The following SYNPR variants were observed in gnomAD, a reference collection of about 807,000 sequenced individuals.
SYNPR encodes synaptoporin.
A neutral mutation model predicts 32.9 loss-of-function variants in SYNPR; 23 were observed. The observed-to-expected ratio is 0.70, with a 90% CI of 0.50 to 0.99. SYNPR has a LOEUF of 0.99. Among genes scored for constraint, SYNPR ranks in the 50% least tolerant of loss-of-function variants. The pLI, the probability that SYNPR is intolerant of heterozygous loss-of-function variation, is 0.00. For missense variants in SYNPR, 318 were observed against 349.3 expected, an observed-to-expected ratio of 0.91 and a Z score of 0.71; for synonymous variants, 146 against 135.9, an observed-to-expected ratio of 1.07 and a Z score of -0.52.
chr3:63,498,879 T>A (rs1401245980), intron 3 of SYNPR, among the ~76,000 whole-genome samples: 1 of 148,478 alleles, frequency 6.7e-6, no homozygotes, highest in East Asian at 2.0e-4. Flanking sequence ...TTTGGGAGGC[T>A]GAAGCAGGAG....
intron 2 of SYNPR, among the ~76,000 whole-genome samples, chr3:63,442,766 C>T (rs1700202935): frequency 6.6e-6 from 1 of 152,180 alleles, no homozygotes; most frequent in Non-Finnish European, 1.5e-5. Flanking sequence ...GCCTGTCTTC[C>T]AGTACATCAC....
At chr3:63,226,953 T>C (rs2086133191), upstream of SYNPR, among the ~76,000 whole-genome samples, 1 of 152,200 alleles carries the variant, frequency 6.6e-6, no homozygotes, top group Non-Finnish European at 1.5e-5. Context: ...ATCCTATGCA[T>C]GTAAAAAATA....
chr3:63,464,958 T>C (rs913697353), intron 2 of SYNPR, among the ~76,000 whole-genome samples: 6 of 152,058 alleles, frequency 3.9e-5, no homozygotes, highest in Admixed American at 6.6e-5. Context: ...AGTGCTGGAG[T>C]TGATGGGATA....
At chr3:63,342,766 CTT>C (rs1374195902) in intron 2 of SYNPR, among the ~76,000 whole-genome samples, 1 of 152,048 alleles carries the variant, frequency 6.6e-6, no homozygotes, top group Non-Finnish European at 1.5e-5. Flanking sequence ...ATTAAGAGCT[CTT>C]TAATTATAAA....
At chr3:63,511,809 T>TA (rs1485936724) in intron 3 of SYNPR, among the ~76,000 whole-genome samples, 1 of 152,144 alleles carries the variant, frequency 6.6e-6, no homozygotes, top group African/African-American at 2.4e-5. Context: ...TTCTGCTGCT[T>TA]TAATTAGACC....
intron 2 of SYNPR, among the ~76,000 whole-genome samples, chr3:63,362,744 C>A (rs76575299): frequency 1.3e-5 from 2 of 152,136 alleles, no homozygotes; most frequent in Admixed American, 6.5e-5. Context: ...TGAGAAGAGG[C>A]CTTTCATGCT....
chr3:63,558,157 C>A (rs1417263299), intron 4 of SYNPR, among the ~76,000 whole-genome samples: 1 of 152,162 alleles, frequency 6.6e-6, no homozygotes, highest in Non-Finnish European at 1.5e-5. Context: ...CAGCACAAGG[C>A]CCTCACCACA....
chr3:63,285,410 T>C (rs1206694956), intron 2 of SYNPR, among the ~76,000 whole-genome samples: 2 of 152,366 alleles, frequency 1.3e-5, no homozygotes, highest in South Asian at 2.1e-4. Flanking sequence ...GAACTCATTT[T>C]CTTCCTGTGT....
At chr3:63,459,160 G>T (rs1336483582) in intron 2 of SYNPR, among the ~76,000 whole-genome samples, 1 of 151,844 alleles carries the variant, frequency 6.6e-6, no homozygotes, top group East Asian at 1.9e-4. Flanking sequence ...AACCTTCTCT[G>T]CCAGATACAC....
chr3:63,445,613 AT>A (rs778251473), intron 2 of SYNPR: 6 of 677,680 alleles, frequency 8.9e-6, no homozygotes, highest in Non-Finnish European at 1.6e-5. Flanking sequence ...TGTGCTAAGC[AT>A]TTTACATGGC....
At chr3:63,541,170 C>G (rs1409833505) in intron 3 of SYNPR, among the ~76,000 whole-genome samples, 1 of 151,108 alleles carries the variant, frequency 6.6e-6, no homozygotes, top group African/African-American at 2.4e-5. Context: ...AGAATAAAAC[C>G]AAGCAGAGGC....
At chr3:63,369,394 A>AGTATAG (rs2087768335) in intron 2 of SYNPR, among the ~76,000 whole-genome samples, 1 of 152,240 alleles carries the variant, frequency 6.6e-6, no homozygotes, top group African/African-American at 2.4e-5. Context: ...GTGTGGAAAG[A>AGTATAG]GGAGCACCCA....
intron 2 of SYNPR, among the ~76,000 whole-genome samples, chr3:63,405,770 G>C (rs1331131551): frequency 6.6e-6 from 1 of 152,150 alleles, no homozygotes; most frequent in Non-Finnish European, 1.5e-5. Context: ...GGATAGAAGA[G>C]CATAAATGGA....
At chr3:63,243,533 T>G (rs184466090) in intron 1 of SYNPR, among the ~76,000 whole-genome samples, 7 of 152,226 alleles carry the variant, frequency 4.6e-5, no homozygotes, top group Admixed American at 4.6e-4. Flanking sequence ...GACAATGGAA[T>G]AGTGTATTGA....
chr3:63,203,319 T>C, the SYNPR span: 1 of 152,218 alleles, frequency 6.6e-6, no homozygotes. Flanking sequence ...AGGATAATCT[T>C]TTTACAATGG....
intron 2 of SYNPR, among the ~76,000 whole-genome samples, chr3:63,346,564 T>A (rs953795636): frequency 2.0e-5 from 3 of 152,102 alleles, no homozygotes; most frequent in Admixed American, 2.0e-4. Flanking sequence ...CTCCGCCTCC[T>A]GGGTTCAAGC....
chr3:63,517,753 G>A (rs373958280), intron 3 of SYNPR, among the ~76,000 whole-genome samples: 4 of 152,048 alleles, frequency 2.6e-5, no homozygotes, highest in South Asian at 2.1e-4. Context: ...GTCACACTTC[G>A]TTTATCTGAA....
intron 2 of SYNPR, among the ~76,000 whole-genome samples, chr3:63,279,809 A>G (rs2086611428): frequency 6.6e-6 from 1 of 152,216 alleles, no homozygotes; most frequent in Non-Finnish European, 1.5e-5. Context: ...ATGATCTACA[A>G]GATAATTACA....
intron 3 of SYNPR, among the ~76,000 whole-genome samples, chr3:63,512,489 G>GT (rs1701715886): frequency 1.3e-5 from 2 of 152,180 alleles, no homozygotes; most frequent in Admixed American, 1.3e-4. Context: ...AAATAGAGCT[G>GT]TTATCCTGCA....
Sources: gnomAD v4.1 joint callset for allele counts (sites outside exome capture counted in the v4.1 genomes callset) on GRCh38, gnomAD v4.1.1 for gene constraint, MANE v1.5 for transcripts, NCBI Gene and HGNC (gene_info 2026-07-23, HGNC 2026-07-21) for gene names.